The following CARD10 variants were observed in gnomAD, a reference collection of about 807,000 sequenced individuals.
The protein encoded by CARD10 is caspase recruitment domain family member 10, also known as caspase recruitment domain-containing protein 10.
In CARD10, 49 loss-of-function variants were observed where a neutral mutation model predicts 114.6. The observed-to-expected ratio is 0.43, with a 90% CI of 0.34 to 0.54. The LOEUF (loss-of-function observed/expected upper bound fraction) is 0.54, where lower values mean the gene tolerates loss of function less well. Ranked by LOEUF, CARD10 falls within the 20% of genes least tolerant of loss-of-function variation. CARD10 has a pLI of 0.03. For missense variants in CARD10, 1,206 were observed against 1,397.2 expected (o/e 0.86, Z 2.18); for synonymous variants, 602 against 593.2 (o/e 1.01, Z -0.21).
chr22:37,516,367 G>T, intron 2 of CARD10, 69 bp from the exon 3 acceptor site: 1 of 1,160,328 alleles, frequency 8.6e-7, no homozygotes, highest in Non-Finnish European at 1.2e-6. Context: ...AACATACTGT[G>T]TCAAAAAACT....
rs756803713 is a variant in CARD10 at position 37,516,090 on chromosome 22, C to T, written c.582G>A (p.Ala194=). The change falls in exon 3 of 20, where the codon GCG becomes GCA. Residue 194 remains alanine (A), a synonymous_variant. Transcript: ENST00000251973. ...TGAGCCGCAGCAGCTCCAGGCTGCC[C>T]GCCTCCCAGTCCTCCCGCAGCCGTT... ...RCQRLREDWE[A]GSLELLRLKD... The T allele has an allele frequency of 6.3e-6, 10 of 1,595,362 alleles. No homozygotes were observed. The highest frequency in any genetic ancestry group is 2.7e-5 in the African/African-American group (2 of 74,518).
rs1923830465 is a variant in CARD10, at chr22:37,515,953, C to A, written c.699+20G>T. The A allele has an allele frequency of 6.5e-7, 1 of 1,537,284 alleles. No homozygotes were observed. Among genetic ancestry groups the A allele is most frequent in the Admixed American group, 1.9e-5 (1 of 52,994 alleles). ...GCTGCCCCTTCCCTTGCCTCCCCGA[C>A]CCATCTCCCCAGGGCCTACCGCCAG... On this transcript the variant is annotated intron_variant, in intron 3 of 19. Transcript: ENST00000251973.
At position 37,519,387 on chromosome 22, in the gene CARD10, C is replaced by T; in HGVS notation, c.-187G>A. 10 of 1,207,302 alleles carry T rather than the reference C, an allele frequency of 8.3e-6. No homozygotes were observed. The highest frequency in any genetic ancestry group is 1.0e-5 in the Non-Finnish European group (10 of 972,798). The allele number at this position is 1,207,302 out of a possible 1,614,324, so 74.8% of individuals were successfully genotyped here. ...TCGGGCTCCCGGGTCCGCACTCGGG[C>T]GGCGGCTCCGCCGGCGCAGGGGGGC... is the stretch of plus-strand genomic sequence containing the variant. On this transcript the variant is annotated 5_prime_UTR_variant, in exon 1 of 20. Coordinates refer to ENST00000251973, the MANE Select transcript of CARD10 (RefSeq NM_014550.4). The surrounding 1 kb of genome is among the most constrained non-coding windows in gnomAD (Gnocchi z 4.1).
In CARD10 at chr22:37,516,064, T is replaced by A; in HGVS notation, c.608A>T (p.Lys203Met). ...EAGSLELLRLKDENYMIAMRL... is the reference protein window; with the variant it reads ...EAGSLELLRLMDENYMIAMRL... ...CATGGCGATCATGTAGTTCTCATCC[T>A]TGAGCCGCAGCAGCTCCAGGCTGCC... Residue 203 changes from lysine to methionine, a missense_variant, in exon 3 of 20, where the codon AAG becomes ATG. By Grantham distance (95) the Lys-to-Met change is moderately conservative. This residue lies in a region of CARD10 where 1,068 missense variants were observed against 1,179.1 expected (regional missense o/e 0.91). Transcript: ENST00000251973. 1 of 1,600,620 alleles carries A rather than the reference T, an allele frequency of 6.2e-7. No individual in the cohort carries two copies. The highest frequency in any genetic ancestry group is 8.5e-7 in the Non-Finnish European group (1 of 1,174,180).
intron 1 of CARD10, 30 bp from the exon 2 acceptor site, chr22:37,518,138 G>A (rs1256212084): frequency 8.1e-6 from 13 of 1,602,812 alleles, no homozygotes; most frequent in Non-Finnish European, 1.0e-5. Flanking sequence ...TGTACCCAGG[G>A]TCTAGGGGAA....
chr22:37,503,343 G>T, intron 9 of CARD10, 130 bp from the exon 10 acceptor site: 2 of 921,330 alleles, frequency 2.2e-6, no homozygotes, highest in Non-Finnish European at 3.2e-6. Context: ...TAGACTCAAG[G>T]CAGGGTCCCA....
intron 7 of CARD10, among the ~76,000 whole-genome samples, chr22:37,505,512 A>C (rs1923373787): frequency 6.6e-6 from 1 of 151,988 alleles, no homozygotes; most frequent in Non-Finnish European, 1.5e-5. Flanking sequence ...CCCTACTGAA[A>C]ATACAAAAAA....
In CARD10 at chr22:37,504,699, G is replaced by A. The variant is rs762467576; in HGVS notation, c.1454C>T (p.Pro485Leu). ...STWSLSEFPS[P>L]LGGPEATGEA... ...CCCAGTTGCTTCTGGGCCTCCCAGAGGGGAGGGGAACTCGCTCAGGCTCCA... is the reference window on the plus strand; with the variant it reads ...CCCAGTTGCTTCTGGGCCTCCCAGAAGGGAGGGGAACTCGCTCAGGCTCCA... The change falls in exon 8 of 20, where the codon CCT (proline) becomes CTT (leucine). Residue 485 changes from proline to leucine, a missense_variant. Coordinates refer to ENST00000251973, the MANE Select transcript of CARD10 (RefSeq NM_014550.4). 1 of 1,582,482 alleles carries A rather than the reference G, an allele frequency of 6.3e-7. No homozygotes were observed. The highest frequency in any genetic ancestry group is 1.4e-5 in the African/African-American group (1 of 73,304).
intron 15 of CARD10, among the ~76,000 whole-genome samples, chr22:37,495,075 G>A (rs756509447): frequency 1.2e-4 from 18 of 151,992 alleles, no homozygotes; most frequent in Non-Finnish European, 2.1e-4. Flanking sequence ...TCATTCTCCC[G>A]CCTCAGCCTC....
chr22:37,498,481 G>T (rs1256846652), intron 11 of CARD10, among the ~76,000 whole-genome samples: 2 of 152,216 alleles, frequency 1.3e-5, no homozygotes, highest in Non-Finnish European at 2.9e-5. Context: ...AGGCAGCGGG[G>T]CGAAGCATCT....
At chr22:37,514,997 C>T (rs1466976202) in intron 3 of CARD10, among the ~76,000 whole-genome samples, 1 of 152,198 alleles carries the variant, frequency 6.6e-6, no homozygotes, top group Non-Finnish European at 1.5e-5. Context: ...GGAACAGCAG[C>T]GTGGGAAGGG....
rs575808830 is a variant in CARD10, at chr22:37,500,725, A to G, written c.1787+1877T>C. On this transcript the variant is annotated intron_variant, in intron 11 of 19. Coordinates refer to ENST00000251973, the MANE Select transcript of CARD10 (RefSeq NM_014550.4). The stretch of plus-strand genomic sequence containing the variant: ...CCGAGGGGCCTGTGACTTGGGACCA[A>G]TTTCTAACTGTCTCTGTACTTCAGT... Among the ~76,000 whole-genome samples the G allele has an allele frequency of 3.3e-5, 5 of 152,288 alleles. No individual in the cohort carries two copies. In the South Asian group the frequency reaches 1.0e-3, roughly 32 times the overall value.
At chr22:37,503,722 G>A (rs1923302711) in intron 9 of CARD10, among the ~76,000 whole-genome samples, 1 of 152,170 alleles carries the variant, frequency 6.6e-6, no homozygotes, top group Admixed American at 6.5e-5. Context: ...GCAGTGACAA[G>A]GATCGCGCCC....
chr22:37,518,306 A>T (rs1014602411), intron 1 of CARD10, among the ~76,000 whole-genome samples, 198 bp from the exon 2 acceptor site: 1 of 151,388 alleles, frequency 6.6e-6, no homozygotes, highest in Admixed American at 6.6e-5. Context: ...TTCCCTCATG[A>T]CTCCTGGGCT....
chr22:37,508,977 G>A (rs1047361631), intron 4 of CARD10: 1 of 1,547,662 alleles, frequency 6.5e-7, no homozygotes, highest in African/African-American at 1.4e-5. Flanking sequence ...ACAAGCACCA[G>A]GCACACACTC....
rs749252678 is a variant in CARD10 at position 37,497,194 on chromosome 22, G to A, written c.1788-16C>T. On this transcript the variant is annotated splice_polypyrimidine_tract_variant and intron_variant, in intron 11 of 19. Transcript: ENST00000251973. ...AGCCAGAGACCTGAGAAGGGAGAAA[G>A]GAGATGAGAATTGGAGTCCAATCAG... 1.9e-6 allele frequency: 3 copies of A among 1,604,816 alleles called. No individual in the cohort carries two copies. Among genetic ancestry groups the A allele is most frequent in the East Asian group, 2.2e-5 (1 of 44,844 alleles).
At position 37,492,708 on chromosome 22, in the gene CARD10, G is replaced by C. The variant is rs1197207363; in HGVS notation, c.2571C>G (p.Pro857=). 1 of 1,612,956 alleles carries C rather than the reference G, an allele frequency of 6.2e-7. No individual in the cohort carries two copies. Among genetic ancestry groups the C allele is most frequent in the Non-Finnish European group, 8.5e-7 (1 of 1,179,924 alleles). ...PVVLLPECLA[P]RLIRNLLDLP... ...GGTCTAGCAGGTTACGGATGAGCCG[G>C]GGCGCCAGGCACTCAGGCAACAGCA... Residue 857 remains proline (P), a synonymous_variant, in exon 17 of 20, where the codon CCC becomes CCG. Coordinates refer to ENST00000251973, the MANE Select transcript of CARD10 (RefSeq NM_014550.4). This position sits in a 1 kb window ranked among gnomAD's most constrained non-coding sequence, Gnocchi z 5.7.
chr22:37,493,458 C>T (rs1922880244), intron 16 of CARD10, among the ~76,000 whole-genome samples: 1 of 152,200 alleles, frequency 6.6e-6, no homozygotes, highest in South Asian at 2.1e-4. Flanking sequence ...CAGCAAGCTC[C>T]ATGAGGGCAG....
chr22:37,515,689 T>C (rs963710994), intron 3 of CARD10, among the ~76,000 whole-genome samples: 25 of 152,262 alleles, frequency 1.6e-4, no homozygotes, highest in African/African-American at 6.0e-4. Flanking sequence ...TGCAGGGCGT[T>C]TGACAGCATC....
Sources: allele counts gnomAD v4.1 joint callset (sites outside exome capture counted in the v4.1 genomes callset), GRCh38; gene constraint gnomAD v4.1.1; regional missense constraint gnomAD v4.1.1; non-coding constraint Gnocchi (gnomAD v3.1); transcripts MANE v1.5; gene names NCBI Gene and HGNC (gene_info 2026-07-23, HGNC 2026-07-21).